Variants in NUGGC observed in about 807,000 individuals in gnomAD.
NUGGC encodes nuclear GTPase SLIP-GC.
In NUGGC, 58 loss-of-function variants were observed where a neutral mutation model predicts 92.6. The observed-to-expected ratio is 0.63, with a 90% CI of 0.51 to 0.78. NUGGC has a LOEUF of 0.78. Ranked by LOEUF, NUGGC falls within the 30% of genes least tolerant of loss-of-function variation. The pLI, the probability that NUGGC is intolerant of heterozygous loss-of-function variation, is 0.00. For synonymous variants in NUGGC, 376 were observed against 366.4 expected (o/e 1.03, Z -0.30); for missense variants, 925 against 964.6 (o/e 0.96, Z 0.54).
chr8:28,057,410 C>T (rs1032955274), intron 9 of NUGGC, among the ~76,000 whole-genome samples: 9 of 146,376 alleles, frequency 6.1e-5, no homozygotes, highest in African/African-American at 2.3e-4. Flanking sequence ...GGCGCGATCT[C>T]GGCTCAGTGC....
chr8:28,067,427 G>T, intron 6 of NUGGC, 87 bp downstream of exon 6: 2 of 826,346 alleles, frequency 2.4e-6, no homozygotes, highest in Non-Finnish European at 4.0e-6. Context: ...CACAAACACT[G>T]TACCACAAGC....
chr8:28,026,635 C>T (rs1183991550), intron 18 of NUGGC, among the ~76,000 whole-genome samples: 1 of 152,214 alleles, frequency 6.6e-6, no homozygotes, highest in Non-Finnish European at 1.5e-5. Flanking sequence ...ATTTCTGCAT[C>T]TGCAAAATGG....
intron 7 of NUGGC, among the ~76,000 whole-genome samples, chr8:28,060,944 G>A (rs1810289625): frequency 6.6e-6 from 1 of 152,190 alleles, no homozygotes; most frequent in South Asian, 2.1e-4. Context: ...TCTGCCCCTT[G>A]ATGGGAAGCG....
At chr8:28,024,375 C>T (rs529767122) in intron 18 of NUGGC, among the ~76,000 whole-genome samples, 1 of 151,928 alleles carries the variant, frequency 6.6e-6, no homozygotes, top group Non-Finnish European at 1.5e-5. Flanking sequence ...TCTGCAACAT[C>T]GACTCTGCCT....
chr8:28,041,539 G>A (rs975999535), intron 12 of NUGGC, among the ~76,000 whole-genome samples: 1 of 152,202 alleles, frequency 6.6e-6, no homozygotes, highest in African/African-American at 2.4e-5. Flanking sequence ...AAATCCAATT[G>A]TTATTAAAAC....
chr8:28,064,925 A>C (rs557192848), intron 6 of NUGGC, among the ~76,000 whole-genome samples, 194 bp from the exon 7 acceptor site: 1 of 152,322 alleles, frequency 6.6e-6, no homozygotes, highest in South Asian at 2.1e-4. Flanking sequence ...CAAGTTCAAG[A>C]TCCTTACCTT....
At chr8:28,071,875 G>A (rs985076220) in intron 2 of NUGGC, among the ~76,000 whole-genome samples, 6 of 152,108 alleles carry the variant, frequency 3.9e-5, no homozygotes, top group African/African-American at 1.2e-4. Flanking sequence ...GGGAGGCCAT[G>A]AGGCTCCAAA....
rs1458585222 is a variant in NUGGC, at chr8:28,064,441, G to A, written c.921+81C>T. ...CAATGAACTCAAAATCCCTGAAGCTGAAACCAGAGCATTCTTTGTTGCTTG... is the reference window on the plus strand; with the variant it reads ...CAATGAACTCAAAATCCCTGAAGCTAAAACCAGAGCATTCTTTGTTGCTTG... On this transcript the variant is annotated intron_variant, in intron 7 of 18. Transcript: ENST00000413272. The A allele has an allele frequency of 3.3e-6, 4 of 1,197,856 alleles. No individual in the cohort carries two copies. The East Asian group carries it at 9.5e-5, about 29-fold the overall frequency. The allele number at this position is 1,197,856 out of a possible 1,614,324, so 74.2% of individuals were successfully genotyped here.
In NUGGC at chr8:28,041,164, C is replaced by T; in HGVS notation, c.1498G>A (p.Glu500Lys). The change falls in exon 13 of 19, where the codon GAG becomes AAG. Residue 500 changes from glutamate (E) to lysine (K), a missense_variant. By Grantham distance (56) the Glu-to-Lys change is moderately conservative (BLOSUM62 1). Transcript: ENST00000413272. Reference protein sequence around the residue: ...VLRRFAEEKVELLEKAIAQCF... With the variant: ...VLRRFAEEKVKLLEKAIAQCF... ...TGTGCGATGGCCTTCTCCAGCAGCT[C>T]AACCTTCTCTTCCGCAAATCTCCGC... 6.2e-6 allele frequency: 10 copies of T among 1,611,216 alleles called. No individual in the cohort carries two copies. Among genetic ancestry groups the T allele is most frequent in the African/African-American group, 1.3e-5 (1 of 75,006 alleles).
At chr8:28,057,870 T>C (rs1415505765) in intron 9 of NUGGC, among the ~76,000 whole-genome samples, 2 of 152,100 alleles carry the variant, frequency 1.3e-5, no homozygotes, top group Admixed American at 6.6e-5. Flanking sequence ...CCAACTGTAA[T>C]ATCAGTCATA....
chr8:28,068,533 G>T lies in NUGGC; in HGVS notation c.258-95C>A, dbSNP rs2130251259. The T allele has an allele frequency of 6.2e-6, 5 of 810,414 alleles. No individual in the cohort carries two copies. The Admixed American group carries it at 1.1e-4, about 18-fold the overall frequency. The allele number at this position is 810,414 out of a possible 1,614,324, so 50.2% of individuals were successfully genotyped here. A position where few individuals can be genotyped will look rare whatever the true frequency, so the allele number is the denominator to read the frequency against. ...GCAAAGGAACTGAATTCTAATCCCG[G>T]GCACGTCACTACAACCTGAGTCTCT... On this transcript the variant is annotated intron_variant, in intron 4 of 18. Transcript: ENST00000413272.
At position 28,082,197 on chromosome 8, in the gene NUGGC, T is replaced by A. The variant is rs78746588; in HGVS notation, c.-47+1578A>T. On this transcript the variant is annotated intron_variant, in intron 1 of 18. Transcript: ENST00000413272. ...ATCTCTAAAGGAAAAGAGGTATGTT[T>A]TCAGCATTAACACATCGGCTAATGT... Among the ~76,000 whole-genome samples the A allele has an allele frequency of 4.0e-4, 61 of 152,330 alleles. 2 individuals are homozygous for A. The East Asian group carries it at 9.8e-3, about 25-fold the overall frequency.
At chr8:28,050,003 C>T (rs894720354) in intron 10 of NUGGC, among the ~76,000 whole-genome samples, 3 of 152,086 alleles carry the variant, frequency 2.0e-5, no homozygotes, top group African/African-American at 4.8e-5. Flanking sequence ...AGGAGAATTC[C>T]TTGAGCCTGG....
intron 1 of NUGGC, among the ~76,000 whole-genome samples, chr8:28,075,481 C>T (rs138572396): frequency 9.2e-5 from 14 of 152,362 alleles, no homozygotes; most frequent in African/African-American, 3.4e-4. Flanking sequence ...GGAGCTGCTT[C>T]ATCTCCACCC....
At chr8:28,060,832 G>A (rs1197443046) in intron 7 of NUGGC, among the ~76,000 whole-genome samples, 1 of 152,172 alleles carries the variant, frequency 6.6e-6, no homozygotes, top group East Asian at 1.9e-4. Context: ...CCTCAAGACT[G>A]TGGAGGACCT....
At position 28,030,294 on chromosome 8, in the gene NUGGC, C is replaced by T. The variant is rs1395780467; in HGVS notation, c.2017+16G>A. ...GTCCCAGAGCAGGCAGAAATGCTGT[C>T]CTCCGCAGCCCCCACCTTCGTAACA... On this transcript the variant is annotated intron_variant, in intron 16 of 18. Coordinates refer to ENST00000413272, the MANE Select transcript of NUGGC (RefSeq NM_001010906.2). The T allele has an allele frequency of 2.1e-6, 3 of 1,400,970 alleles. No homozygotes were observed. The highest frequency in any genetic ancestry group is 2.9e-5 in the African/African-American group (2 of 70,174). 86.8% of individuals were successfully genotyped at this position (1,400,970 alleles called of 1,614,324 possible).
chr8:28,040,788 A>G (rs1809675042), intron 13 of NUGGC, among the ~76,000 whole-genome samples: 2 of 152,008 alleles, frequency 1.3e-5, no homozygotes, highest in Admixed American at 6.6e-5. Flanking sequence ...CTGGGATGAC[A>G]GGCACACGCC....
intron 10 of NUGGC, among the ~76,000 whole-genome samples, chr8:28,055,535 A>G (rs757289554): frequency 6.6e-6 from 1 of 152,206 alleles, no homozygotes; most frequent in Non-Finnish European, 1.5e-5. Flanking sequence ...TAACTGAAGC[A>G]GTAGGACTGA....
intron 16 of NUGGC, 57 bp from the exon 17 acceptor site, chr8:28,029,459 G>C (rs977088727): frequency 6.3e-7 from 1 of 1,591,508 alleles, no homozygotes. Flanking sequence ...AGAAATCTTT[G>C]GCACCATGGC....
Sources: allele counts gnomAD v4.1 joint callset (sites outside exome capture counted in the v4.1 genomes callset), GRCh38; gene constraint gnomAD v4.1.1; transcripts MANE v1.5; gene names NCBI Gene and HGNC (gene_info 2026-07-23, HGNC 2026-07-21).